Variants in DAPP1 observed in about 807,000 individuals in gnomAD.
The protein encoded by DAPP1 is dual adapter for phosphotyrosine and 3-phosphotyrosine and 3-phosphoinositide.
DAPP1 carries 20 observed loss-of-function variants against 41.5 expected under a neutral mutation model. The observed-to-expected ratio is 0.48, with a 90% CI of 0.34 to 0.70. The LOEUF (loss-of-function observed/expected upper bound fraction) is 0.70. Ranked by LOEUF, DAPP1 falls within the 30% of genes least tolerant of loss-of-function variation. The probability of loss-of-function intolerance (pLI) is 0.01; values close to 1 mark genes in which losing one functional copy is unlikely to be tolerated. For missense variants in DAPP1, 233 were observed against 333.4 expected (o/e 0.70, Z 2.35); for synonymous variants, 113 against 116.2 (o/e 0.97, Z 0.18).
chr4:99,860,680 G>T lies in DAPP1; in HGVS notation c.490-898G>T, dbSNP rs141838992. On this transcript the variant is annotated intron_variant, in intron 4 of 8. Coordinates refer to ENST00000512369, the MANE Select transcript of DAPP1 (RefSeq NM_014395.3). ...AATTCACCTTGGAAAAAAATATTCT[G>T]GAAATTACCATAGAAAGAACCTTGG... Among the ~76,000 whole-genome samples, 10 of 152,140 alleles carry T rather than the reference G, an allele frequency of 6.6e-5. No individual in the cohort carries two copies. The East Asian group carries it at 7.7e-4, about 12-fold the overall frequency.
chr4:99,867,998 A>AT, intron 8 of DAPP1, 119 bp from the exon 9 acceptor site: 4 of 910,144 alleles, frequency 4.4e-6, no homozygotes, highest in Non-Finnish European at 7.0e-6. Flanking sequence ...GCACATGATA[A>AT]TTAACTTAGA....
chr4:99,868,303 C>G lies in DAPP1; in HGVS notation c.*118C>G. ...TAAGGATTTTCTTTCAAAAACAAAT[C>G]AGAAGCAGATGCTGATTGGGACCCA... On this transcript the variant is annotated 3_prime_UTR_variant, in exon 9 of 9. Transcript: ENST00000512369. The G allele has an allele frequency of 4.2e-6, 4 of 946,654 alleles. No homozygotes were observed. The Admixed American group carries it at 8.6e-5, about 20-fold the overall frequency. The allele number at this position is 946,654 out of a possible 1,614,324, so 58.6% of individuals were successfully genotyped here.
chr4:99,842,121 C>A (rs934024247), intron 3 of DAPP1, among the ~76,000 whole-genome samples: 2 of 152,154 alleles, frequency 1.3e-5, no homozygotes, highest in Non-Finnish European at 2.9e-5. Context: ...CCTAAGGATG[C>A]GCCAAAATAA....
chr4:99,835,882 A>G lies in DAPP1; in HGVS notation c.224+137A>G, dbSNP rs188264933. On this transcript the variant is annotated intron_variant, in intron 2 of 8. Coordinates refer to ENST00000512369, the MANE Select transcript of DAPP1 (RefSeq NM_014395.3). ...CAGGTTAAAGGATTCCAAACTCTAAATGATGAGGGTGTAAAACAACATTCC... is the reference window on the plus strand; with the variant it reads ...CAGGTTAAAGGATTCCAAACTCTAAGTGATGAGGGTGTAAAACAACATTCC... 1.1e-5 allele frequency: 12 copies of G among 1,126,694 alleles called. No individual in the cohort carries two copies. In the Admixed American group the frequency reaches 3.1e-4, roughly 29 times the overall value. 69.8% of individuals were successfully genotyped at this position (1,126,694 alleles called of 1,614,324 possible).
chr4:99,842,736 G>C (rs1364261506), intron 3 of DAPP1, among the ~76,000 whole-genome samples: 1 of 152,142 alleles, frequency 6.6e-6, no homozygotes, highest in East Asian at 1.9e-4. Flanking sequence ...TCTAAAAATA[G>C]GCCTTTTCTT....
chr4:99,859,501 C>G (rs1724164114), intron 4 of DAPP1, among the ~76,000 whole-genome samples: 1 of 152,138 alleles, frequency 6.6e-6, no homozygotes, highest in Non-Finnish European at 1.5e-5. Context: ...TCTGTCGATT[C>G]ATTCATCGAT....
chr4:99,843,043 G>A (rs1174045603), intron 3 of DAPP1, among the ~76,000 whole-genome samples: 1 of 152,104 alleles, frequency 6.6e-6, no homozygotes, highest in East Asian at 1.9e-4. Flanking sequence ...CCCTCCCAGG[G>A]CTCTCAACTT....
intron 4 of DAPP1, among the ~76,000 whole-genome samples, chr4:99,859,056 T>C (rs1724147265): frequency 6.6e-6 from 1 of 151,962 alleles, no homozygotes; most frequent in Non-Finnish European, 1.5e-5. Flanking sequence ...GTACCACCAC[T>C]CCTGGCTAAT....
intron 1 of DAPP1, among the ~76,000 whole-genome samples, chr4:99,829,068 G>A (rs1303253617): frequency 6.6e-6 from 1 of 152,068 alleles, no homozygotes; most frequent in Admixed American, 6.5e-5. Context: ...CTTTGCAAAT[G>A]TCTAGCATAT....
At chr4:99,836,909 C>T (rs1723321123) in intron 2 of DAPP1, among the ~76,000 whole-genome samples, 1 of 152,198 alleles carries the variant, frequency 6.6e-6, no homozygotes, top group Non-Finnish European at 1.5e-5. Context: ...CTTCTTCCTT[C>T]ATTTTCTCCT....
At chr4:99,833,729 G>C (rs1723201061) in intron 1 of DAPP1, among the ~76,000 whole-genome samples, 1 of 152,204 alleles carries the variant, frequency 6.6e-6, no homozygotes, top group Non-Finnish European at 1.5e-5. Context: ...TGCCTCTGCT[G>C]TCTAGCTTTC....
intron 1 of DAPP1, among the ~76,000 whole-genome samples, chr4:99,822,226 A>G (rs1209697607): frequency 2.6e-5 from 4 of 152,170 alleles, no homozygotes; most frequent in African/African-American, 9.7e-5. Context: ...CAGACTGTCC[A>G]TGTTGTGGGG....
intron 3 of DAPP1, among the ~76,000 whole-genome samples, chr4:99,851,544 T>G (rs958451328): frequency 8.8e-5 from 12 of 136,950 alleles, no homozygotes; most frequent in Non-Finnish European, 1.7e-4. Context: ...GTTTTTTTTT[T>G]TTTTTTTTTT....
Position 99,863,858 on chromosome 4 carries a change from A to G in DAPP1, c.686+3A>G. 1 of 1,568,280 alleles carries G rather than the reference A, an allele frequency of 6.4e-7. No homozygotes were observed. Among genetic ancestry groups the G allele is most frequent in the Non-Finnish European group, 8.7e-7 (1 of 1,153,492 alleles). ...CAAGAAAGGGTAAACTGTTTTTGGT[A>G]AGTTGTTTTATAAAGAAAACGTTTT... On this transcript the variant is annotated splice_donor_region_variant and intron_variant, in intron 7 of 8. Coordinates refer to ENST00000512369, the MANE Select transcript of DAPP1 (RefSeq NM_014395.3).
At chr4:99,848,755 C>T (rs1281751592) in intron 3 of DAPP1, among the ~76,000 whole-genome samples, 1 of 152,148 alleles carries the variant, frequency 6.6e-6, no homozygotes, top group Non-Finnish European at 1.5e-5. Flanking sequence ...AAACAATAGT[C>T]TACTTCATGT....
At chr4:99,821,452 T>TA (rs1236879664) in intron 1 of DAPP1, among the ~76,000 whole-genome samples, 3 of 152,250 alleles carry the variant, frequency 2.0e-5, no homozygotes, top group Admixed American at 6.5e-5. Flanking sequence ...TGTATTCTAG[T>TA]AATGGCAATT....
rs372235959 is a variant in DAPP1, at chr4:99,858,983, C to T, written c.490-2595C>T. On this transcript the variant is annotated intron_variant, in intron 4 of 8. Coordinates refer to ENST00000512369, the MANE Select transcript of DAPP1 (RefSeq NM_014395.3). Reference sequence around the variant, plus strand: ...GGTGTGATCACGGCTCATGAAGCCTCGACCTCCTGGGTTCAGGTGACTCTC... The same window carrying T: ...GGTGTGATCACGGCTCATGAAGCCTTGACCTCCTGGGTTCAGGTGACTCTC... 3.9e-4 allele frequency among the ~76,000 whole-genome samples: 60 copies of T among 152,086 alleles called. 1 individual carries two copies. The East Asian group carries it at 7.2e-3, about 18-fold the overall frequency.
chr4:99,835,826 C>G, intron 2 of DAPP1, 81 bp downstream of exon 2: 2 of 1,545,234 alleles, frequency 1.3e-6, no homozygotes, highest in South Asian at 1.2e-5. Context: ...AATTGCCAGA[C>G]AGCAAAACTT....
chr4:99,850,304 G>A (rs1723809476), intron 3 of DAPP1, among the ~76,000 whole-genome samples: 1 of 152,086 alleles, frequency 6.6e-6, no homozygotes, highest in Admixed American at 6.5e-5. Context: ...CAGCTACTTG[G>A]GAGGCAGAGG....
Sources: allele counts gnomAD v4.1 joint callset (sites outside exome capture counted in the v4.1 genomes callset), GRCh38; gene constraint gnomAD v4.1.1; transcripts MANE v1.5; gene names NCBI Gene and HGNC (gene_info 2026-07-23, HGNC 2026-07-21).